CNTNAP5: variants seen among roughly 807,000 people sequenced by gnomAD.
The protein encoded by CNTNAP5 is contactin associated protein family member 5.
CNTNAP5 carries 72 observed loss-of-function variants against 150.2 expected under a neutral mutation model. That is an observed-to-expected ratio of 0.48 (90% CI 0.40 to 0.58). The LOEUF is 0.58. Among genes scored for constraint, CNTNAP5 ranks in the 20% least tolerant of loss-of-function variants. The pLI is 0.00. For missense variants in CNTNAP5, 1,636 were observed against 1,626.2 expected (o/e 1.01, Z -0.10); for synonymous variants, 672 against 619.8 (o/e 1.08, Z -1.25).
At chr2:124,026,708 G>A (rs1680900683) in intron 1 of CNTNAP5, among the ~76,000 whole-genome samples, 1 of 152,198 alleles carries the variant, frequency 6.6e-6, no homozygotes, top group Non-Finnish European at 1.5e-5. Flanking sequence ...TTCTGGGCTT[G>A]CTCCCATATC....
At chr2:124,358,175 GTTAC>G (rs1690077136) in intron 3 of CNTNAP5, among the ~76,000 whole-genome samples, 1 of 152,192 alleles carries the variant, frequency 6.6e-6, no homozygotes, top group East Asian at 1.9e-4. Flanking sequence ...CTCTGCTGAA[GTTAC>G]TTATCAGCTT....
rs113475031 is a variant in CNTNAP5 at position 124,695,673 on chromosome 2, G to C, written c.2077+47715G>C. On this transcript the variant is annotated intron_variant, in intron 13 of 23. Coordinates refer to ENST00000682447, the MANE Select transcript of CNTNAP5 (RefSeq NM_001367498.1). ...TATCTCAAGAAAGTCTGTGTTAATC[G>C]AAAGGAATCTGGTCAGCTGAAGCAG... 1.4e-4 allele frequency among the ~76,000 whole-genome samples: 21 copies of C among 152,260 alleles called. 1 individual carries two copies. Among genetic ancestry groups the C allele is most frequent in the African/African-American group, 4.8e-4 (20 of 41,542 alleles).
intron 21 of CNTNAP5, among the ~76,000 whole-genome samples, chr2:124,879,784 G>T (rs555176000): frequency 6.6e-6 from 1 of 152,092 alleles, no homozygotes; most frequent in South Asian, 2.1e-4. Flanking sequence ...CTTCCTTGCC[G>T]ATGGCTCTGC....
At chr2:124,801,745 A>G (rs540097684) in intron 19 of CNTNAP5, among the ~76,000 whole-genome samples, 1 of 152,274 alleles carries the variant, frequency 6.6e-6, no homozygotes, top group Non-Finnish European at 1.5e-5. Flanking sequence ...TAGGCCATTG[A>G]CCTAATTACC....
At chr2:124,338,533 A>T (rs1032102732) in intron 3 of CNTNAP5, among the ~76,000 whole-genome samples, 1 of 152,084 alleles carries the variant, frequency 6.6e-6, no homozygotes, top group African/African-American at 2.4e-5. Context: ...GGCCTCAAAA[A>T]ATAGATAAAA....
chr2:124,911,500 T>C lies in CNTNAP5; in HGVS notation c.3689T>C (p.Leu1230Pro), dbSNP rs777407406. 1.9e-6 allele frequency: 3 copies of C among 1,602,432 alleles called. No individual in the cohort carries two copies. The highest frequency in any genetic ancestry group is 1.1e-5 in the South Asian group (1 of 88,884). Residue 1230 changes from leucine (L) to proline (P), a missense_variant, in exon 23 of 24, where the codon CTC becomes CCC. Transcript: ENST00000682447. ...GGGAAGACAGATGAGCGGGAACCACTCACAAATGCTGTTCGAAGTGATTCG... is the reference window on the plus strand; with the variant it reads ...GGGAAGACAGATGAGCGGGAACCACCCACAAATGCTGTTCGAAGTGATTCG... Reference protein sequence around the residue: ...PFGKTDEREPLTNAVRSDSAV... With the variant: ...PFGKTDEREPPTNAVRSDSAV...
intron 7 of CNTNAP5, among the ~76,000 whole-genome samples, chr2:124,502,314 A>T (rs566431421): frequency 2.6e-5 from 4 of 152,240 alleles, no homozygotes; most frequent in Admixed American, 2.6e-4. Context: ...GAGCAAACTG[A>T]TCAAATAAGG....
intron 3 of CNTNAP5, among the ~76,000 whole-genome samples, chr2:124,369,214 A>T (rs1690455024): frequency 6.6e-6 from 1 of 152,176 alleles, no homozygotes; most frequent in South Asian, 2.1e-4. Flanking sequence ...CCAGGGGCTT[A>T]TAATTGCAGA....
chr2:124,447,389 C>T (rs536416632), intron 6 of CNTNAP5, among the ~76,000 whole-genome samples: 1 of 152,298 alleles, frequency 6.6e-6, no homozygotes, highest in Admixed American at 6.5e-5. Context: ...TGACTAATAC[C>T]GTGGCGAGCT....
intron 13 of CNTNAP5, among the ~76,000 whole-genome samples, chr2:124,713,219 G>GTTTC (rs1284588697): frequency 3.8e-5 from 3 of 78,178 alleles, no homozygotes; most frequent in Non-Finnish European, 5.9e-5. Flanking sequence ...TTCTTTCTCT[G>GTTTC]TTTCTTTCTT....
intron 19 of CNTNAP5, among the ~76,000 whole-genome samples, chr2:124,823,778 C>T (rs918808966): frequency 6.6e-6 from 1 of 152,082 alleles, no homozygotes; most frequent in Non-Finnish European, 1.5e-5. Context: ...AGACTGAGCA[C>T]AGTATATGTG....
chr2:124,151,321 T>C lies in CNTNAP5; in HGVS notation c.83-70384T>C, dbSNP rs187166287. 2.0e-5 allele frequency among the ~76,000 whole-genome samples: 3 copies of C among 152,242 alleles called. No individual in the cohort carries two copies. In the East Asian group the frequency reaches 5.8e-4, roughly 30 times the overall value. ...AGAGATGAACGCATTGGTCCCCTCT[T>C]TTCCGCTAGGTTCATTTTGCACTGC... On this transcript the variant is annotated intron_variant, in intron 1 of 23. Transcript: ENST00000682447.
intron 13 of CNTNAP5, among the ~76,000 whole-genome samples, chr2:124,743,358 G>T (rs974042769): frequency 6.6e-6 from 1 of 152,176 alleles, no homozygotes; most frequent in Non-Finnish European, 1.5e-5. Flanking sequence ...CCACAGCAAA[G>T]AAGTCAGAAT....
chr2:124,884,893 T>G (rs561369514), intron 21 of CNTNAP5, among the ~76,000 whole-genome samples: 1 of 152,170 alleles, frequency 6.6e-6, no homozygotes, highest in African/African-American at 2.4e-5. Flanking sequence ...TTCGAACTAT[T>G]TTCTGTTTCT....
chr2:124,439,318 A>G (rs952658074), intron 5 of CNTNAP5, among the ~76,000 whole-genome samples: 2 of 152,202 alleles, frequency 1.3e-5, no homozygotes, highest in African/African-American at 4.8e-5. Flanking sequence ...TGAATTCTGC[A>G]CTGGGGGTTA....
At chr2:124,153,061 A>G (rs1684443416) in intron 1 of CNTNAP5, among the ~76,000 whole-genome samples, 2 of 152,178 alleles carry the variant, frequency 1.3e-5, no homozygotes, top group African/African-American at 4.8e-5. Context: ...CAAGGCTGAA[A>G]TTTGAGGTCA....
intron 8 of CNTNAP5, among the ~76,000 whole-genome samples, chr2:124,509,452 GT>G (rs778857422): frequency 3.5e-4 from 54 of 152,282 alleles, no homozygotes; most frequent in Non-Finnish European, 7.5e-4. Flanking sequence ...GGATGTGAAA[GT>G]AGAACCAGCA....
At chr2:124,340,499 G>A (rs1689583078) in intron 3 of CNTNAP5, among the ~76,000 whole-genome samples, 1 of 152,016 alleles carries the variant, frequency 6.6e-6, no homozygotes, top group Non-Finnish European at 1.5e-5. Flanking sequence ...ACCATACTCT[G>A]AAACAAAGCA....
At chr2:124,114,293 A>T (rs1358758625) in intron 1 of CNTNAP5, among the ~76,000 whole-genome samples, 3 of 151,988 alleles carry the variant, frequency 2.0e-5, no homozygotes. Context: ...CTTCTTGTAT[A>T]TTTCACTCAA....
Sources: allele counts gnomAD v4.1 joint callset (sites outside exome capture counted in the v4.1 genomes callset), GRCh38; gene constraint gnomAD v4.1.1; transcripts MANE v1.5; gene names NCBI Gene and HGNC (gene_info 2026-07-23, HGNC 2026-07-21).